Variants in PLA2G4C observed in about 807,000 individuals in gnomAD.
PLA2G4C encodes the protein phospholipase A2 group IVC, also known as cytosolic phospholipase A2 gamma.
PLA2G4C carries 64 observed loss-of-function variants against 73.8 expected under a neutral mutation model. The ratio of observed to expected loss-of-function variants is 0.87; its 90% CI spans 0.71 to 1.07. PLA2G4C has a LOEUF of 1.07. Ranked by LOEUF, PLA2G4C falls within the 50% of genes least tolerant of loss-of-function variation. PLA2G4C has a pLI of 0.00. For missense variants in PLA2G4C, 622 were observed against 665.4 expected, an observed-to-expected ratio of 0.93 and a Z score of 0.72; for synonymous variants, 254 against 252.1, an observed-to-expected ratio of 1.01 and a Z score of -0.07.
intron 7 of PLA2G4C, among the ~76,000 whole-genome samples, chr19:48,092,829 G>T (rs138999456): frequency 2.6e-5 from 4 of 152,304 alleles, no homozygotes; most frequent in African/African-American, 9.6e-5. Context: ...TATGGAGATG[G>T]ATGGCAGTGA....
chr19:48,087,337 C>T (rs1238009388), intron 9 of PLA2G4C, among the ~76,000 whole-genome samples: 1 of 152,164 alleles, frequency 6.6e-6, no homozygotes, highest in East Asian at 1.9e-4. Context: ...CTTCCACTGC[C>T]ACAGGCACAG....
At position 48,104,647 on chromosome 19, in the gene PLA2G4C, C is replaced by G. The variant is rs376584237; in HGVS notation, c.198G>C (p.Met66Ile). Reference protein sequence around the residue: ...HIACLGVLSEMKEQGLLDAVT... With the variant: ...HIACLGVLSEIKEQGLLDAVT... ...CGGCATCCAACAGGCCCTGTTCTTT[C>G]ATCTCACTCAGGACCCCAAGGCAGG... is the stretch of plus-strand genomic sequence containing the variant. The change falls in exon 4 of 17, where the codon ATG (methionine) becomes ATC (isoleucine). Residue 66 changes from methionine to isoleucine, a missense_variant. Coordinates refer to ENST00000599921, the MANE Select transcript of PLA2G4C (RefSeq NM_003706.3). The G allele has an allele frequency of 1.2e-6, 2 of 1,614,068 alleles. No individual in the cohort carries two copies. The highest frequency in any genetic ancestry group is 1.7e-6 in the Non-Finnish European group (2 of 1,180,028).
intron 14 of PLA2G4C, among the ~76,000 whole-genome samples, chr19:48,058,308 A>G (rs1164057943): frequency 6.6e-6 from 1 of 151,836 alleles, no homozygotes; most frequent in Non-Finnish European, 1.5e-5. Flanking sequence ...TCAAAAAAAA[A>G]AAAAATTTGT....
At chr19:48,066,801 T>C (rs1227271901) in intron 13 of PLA2G4C, among the ~76,000 whole-genome samples, 3 of 151,584 alleles carry the variant, frequency 2.0e-5, no homozygotes, top group African/African-American at 7.3e-5. Flanking sequence ...CCCATCTCTA[T>C]GAAAAAGAAA....
chr19:48,063,372 A>G (rs1296365752), intron 13 of PLA2G4C, among the ~76,000 whole-genome samples: 1 of 152,002 alleles, frequency 6.6e-6, no homozygotes, highest in African/African-American at 2.4e-5. Flanking sequence ...AGCCTTTCCA[A>G]CTGGAGGCAA....
chr19:48,097,404 C>T (rs186812974), intron 6 of PLA2G4C, among the ~76,000 whole-genome samples: 63 of 150,692 alleles, frequency 4.2e-4, no homozygotes, highest in Admixed American at 1.8e-3. Context: ...AGGCGCCCGC[C>T]GCCACGCCCA....
rs1318316800 is a variant in PLA2G4C, at chr19:48,062,205, G to C, written c.1103-53C>G. 2.7e-6 allele frequency: 4 copies of C among 1,460,880 alleles called. No individual in the cohort carries two copies. The African/African-American group carries it at 5.7e-5, about 21-fold the overall frequency. The allele number at this position is 1,460,880 out of a possible 1,614,324, so 90.5% of individuals were successfully genotyped here. On this transcript the variant is annotated intron_variant, in intron 13 of 16. Transcript: ENST00000599921. ...AGCTGCTTCTGGGGACTGAAAGCAA[G>C]ACTTGGAAATGGAAGGCAGAGAGGG...
At chr19:48,064,659 C>T (rs1486972766) in intron 13 of PLA2G4C, 6 of 152,260 alleles carry the variant, frequency 3.9e-5, no homozygotes, top group Admixed American at 3.9e-4. Context: ...GGCTGAGCCT[C>T]ATTTTTCCTA....
At chr19:48,052,954 T>G in intron 16 of PLA2G4C, 43 bp downstream of exon 16, 1 of 1,566,866 alleles carries the variant, frequency 6.4e-7, no homozygotes, top group Non-Finnish European at 8.7e-7. Flanking sequence ...AGATACTTAC[T>G]GAACGAGCAT....
intron 11 of PLA2G4C, among the ~76,000 whole-genome samples, chr19:48,076,785 C>T (rs774640650): frequency 8.6e-5 from 13 of 151,822 alleles, no homozygotes; most frequent in Middle Eastern, 3.4e-3. Context: ...AAAAAAAAGA[C>T]GCAAACAGCT....
At chr19:48,084,047 T>C (rs1237493137) in intron 10 of PLA2G4C, among the ~76,000 whole-genome samples, 1 of 136,538 alleles carries the variant, frequency 7.3e-6, no homozygotes, top group Admixed American at 7.2e-5. Context: ...ATTTTGTGTG[T>C]GTGTGTGTGT....
chr19:48,094,062 T>C lies in PLA2G4C; in HGVS notation c.709+1402A>G, dbSNP rs548005579. Among the ~76,000 whole-genome samples the C allele has an allele frequency of 2.0e-5, 3 of 152,284 alleles. No homozygotes were observed. In the South Asian group the frequency reaches 6.2e-4, roughly 32 times the overall value. ...TACCCAGTCTCGGGTAGTATCTTTA[T>C]AGTAGTATGAAAACGGACTAATACA... On this transcript the variant is annotated intron_variant, in intron 7 of 16. Transcript: ENST00000599921.
At chr19:48,090,260 A>G in intron 8 of PLA2G4C, 104 bp downstream of exon 8, 2 of 848,066 alleles carry the variant, frequency 2.4e-6, no homozygotes, top group South Asian at 2.8e-5. Flanking sequence ...TTGCTAGAAC[A>G]ATTACACACA....
Position 48,055,044 on chromosome 19 carries a change from G to T in PLA2G4C, c.1263C>A (p.Ile421=). Residue 421 remains isoleucine (I), a synonymous_variant, in exon 15 of 17, where the codon ATC becomes ATA. Transcript: ENST00000599921. ...GGCGGCAGTAGTCAGTGGTAGCCCGGATGGTCTGAGAAGGAGGCAATAAGA... is the reference window on the plus strand; with the variant it reads ...GGCGGCAGTAGTCAGTGGTAGCCCGTATGGTCTGAGAAGGAGGCAATAAGA... The part of the protein sequence containing the change: ...DFSAGDPFET[I]RATTDYCRRH... The T allele has an allele frequency of 6.2e-7, 1 of 1,603,940 alleles. No individual in the cohort carries two copies. The highest frequency in any genetic ancestry group is 8.5e-7 in the Non-Finnish European group (1 of 1,175,702).
chr19:48,107,614 C>T (rs1263991343), intron 1 of PLA2G4C, among the ~76,000 whole-genome samples: 2 of 152,088 alleles, frequency 1.3e-5, no homozygotes, highest in African/African-American at 4.8e-5. Flanking sequence ...AGGGAGTCTC[C>T]CTTTCCCCGG....
intron 2 of PLA2G4C, among the ~76,000 whole-genome samples, chr19:48,105,793 TCC>T (rs2032149235): frequency 6.2e-5 from 5 of 80,608 alleles, no homozygotes; most frequent in Middle Eastern, 4.8e-3. Context: ...CATACCTCCC[TCC>T]CTCCCTCCCT....
chr19:48,050,706 G>A (rs139244211), intron 16 of PLA2G4C, among the ~76,000 whole-genome samples: 190 of 55,376 alleles, frequency 3.4e-3, no homozygotes, highest in African/African-American at 8.8e-3. Context: ...ACAGGGTCTC[G>A]CTCTGTCATC....
At chr19:48,106,439 G>A in intron 2 of PLA2G4C, 83 bp downstream of exon 2, 2 of 1,052,934 alleles carry the variant, frequency 1.9e-6, no homozygotes, top group Non-Finnish European at 3.0e-6. Flanking sequence ...AACTGTCACA[G>A]CCCTCACCTC....
chr19:48,098,878 G>A (rs2031755739), intron 5 of PLA2G4C, among the ~76,000 whole-genome samples: 1 of 151,210 alleles, frequency 6.6e-6, no homozygotes, highest in Non-Finnish European at 1.5e-5. Context: ...CTCCAGCCTG[G>A]ACGACAGAGT....
Sources: allele counts gnomAD v4.1 joint callset (sites outside exome capture counted in the v4.1 genomes callset), GRCh38; gene constraint gnomAD v4.1.1; transcripts MANE v1.5; gene names NCBI Gene and HGNC (gene_info 2026-07-23, HGNC 2026-07-21).